Variants in ZNF131 observed in about 807,000 individuals in gnomAD.
ZNF131 encodes the protein zinc finger protein 131.
A neutral mutation model predicts 60.0 loss-of-function variants in ZNF131; 7 were observed. The ratio of observed to expected loss-of-function variants is 0.12; its 90% CI spans 0.07 to 0.22. ZNF131 has a LOEUF of 0.22. ZNF131 is among the 10% of genes least tolerant of loss of function. The pLI, the probability that ZNF131 is intolerant of heterozygous loss-of-function variation, is 1.00. For missense variants in ZNF131, 493 were observed against 740.9 expected, an observed-to-expected ratio of 0.67 and a Z score of 3.88; for synonymous variants, 257 against 253.2, an observed-to-expected ratio of 1.01 and a Z score of -0.14.
Position 43,175,197 on chromosome 5 carries a change from G to C in ZNF131, c.*64G>C, listed in dbSNP as rs1466612166. On this transcript the variant is annotated 3_prime_UTR_variant, in exon 7 of 7. Coordinates refer to ENST00000682664, the MANE Select transcript of ZNF131 (RefSeq NM_001330707.2). ...TTTTTGAACTGATTATGGGCAGTTT[G>C]ACTGTCCTTAATTAAGCCTAACAGA... is the stretch of plus-strand genomic sequence containing the variant. 9.7e-6 allele frequency: 14 copies of C among 1,444,218 alleles called. No homozygotes were observed. The highest frequency in any genetic ancestry group is 1.3e-5 in the Non-Finnish European group (14 of 1,081,876). 89.5% of individuals were successfully genotyped at this position (1,444,218 alleles called of 1,614,324 possible). A position where few individuals can be genotyped will look rare whatever the true frequency, so the allele number is the denominator to read the frequency against.
intron 3 of ZNF131, among the ~76,000 whole-genome samples, chr5:43,131,264 G>A (rs531290286): frequency 5.9e-5 from 9 of 151,520 alleles, no homozygotes; most frequent in Admixed American, 2.6e-4. Context: ...CCTCTACCTC[G>A]CAGGTTCAAG....
chr5:43,131,514 C>T (rs1342038801), intron 3 of ZNF131, among the ~76,000 whole-genome samples: 1 of 152,044 alleles, frequency 6.6e-6, no homozygotes, highest in Non-Finnish European at 1.5e-5. Context: ...ACATGGCATA[C>T]GAAGTTTTCT....
intron 4 of ZNF131, among the ~76,000 whole-genome samples, chr5:43,151,841 T>C (rs1166705391): frequency 6.6e-6 from 1 of 152,178 alleles, no homozygotes; most frequent in African/African-American, 2.4e-5. Context: ...TATTTGCAAT[T>C]GTTCGTGCCT....
At chr5:43,166,400 G>A (rs548295750) in intron 5 of ZNF131, among the ~76,000 whole-genome samples, 88 of 150,994 alleles carry the variant, frequency 5.8e-4, no homozygotes, top group African/African-American at 2.0e-3. Flanking sequence ...TTGCTCTGTC[G>A]CCCAGGCTGG....
chr5:43,122,955 C>T (rs1224109724), intron 2 of ZNF131, among the ~76,000 whole-genome samples: 5 of 152,150 alleles, frequency 3.3e-5, no homozygotes, highest in Non-Finnish European at 7.3e-5. Context: ...CAAGAGGCTC[C>T]TTACCTAGTG....
At chr5:43,133,813 G>A (rs1460234845) in intron 3 of ZNF131, among the ~76,000 whole-genome samples, 1 of 152,178 alleles carries the variant, frequency 6.6e-6, no homozygotes, top group East Asian at 1.9e-4. Flanking sequence ...GGAACACTAG[G>A]CATAAATGGA....
Position 43,175,019 on chromosome 5 carries a change from G to C in ZNF131, c.1758G>C (p.Glu586Asp). The change falls in exon 7 of 7, where the codon GAG becomes GAC. Residue 586 changes from glutamate (E) to aspartate (D), a missense_variant. Physicochemically the swap from Glu to Asp is conservative, Grantham distance 45. This residue lies in a region of ZNF131 where 202 missense variants were observed against 221.3 expected (regional missense o/e 0.91). Coordinates refer to ENST00000682664, the MANE Select transcript of ZNF131 (RefSeq NM_001330707.2). The stretch of plus-strand genomic sequence containing the variant: ...AGTCTAGCCAAGCAGATGCTGCTGA[G>C]GCTGCCAGGGAAGATCACGAAGATG... ...ERESSQADAA[E>D]AAREDHEDAE... is the part of the protein sequence containing the mutation. 6.2e-7 allele frequency: 1 copy of C among 1,614,138 alleles called. No individual in the cohort carries two copies. Among genetic ancestry groups the C allele is most frequent in the Non-Finnish European group, 8.5e-7 (1 of 1,180,022 alleles).
chr5:43,168,105 C>T (rs1464920543), intron 5 of ZNF131: 9 of 350,248 alleles, frequency 2.6e-5, no homozygotes, highest in Non-Finnish European at 4.0e-5. Flanking sequence ...CCCATGATAA[C>T]CCATTAATTC....
At position 43,138,374 on chromosome 5, in the gene ZNF131, C is replaced by T. The variant is rs184959190; in HGVS notation, c.227-791C>T. ...AGGGTGTTAATAAAGGCAAGTCAGG[C>T]TGGGTGCGGTGGCTCACGCCTGTAA... On this transcript the variant is annotated intron_variant, in intron 3 of 6. Transcript: ENST00000682664. 8.5e-5 allele frequency among the ~76,000 whole-genome samples: 13 copies of T among 152,154 alleles called. No homozygotes were observed. In the East Asian group the frequency reaches 2.3e-3, roughly 27 times the overall value.
chr5:43,170,357 A>C (rs1416136572), intron 5 of ZNF131, among the ~76,000 whole-genome samples: 1 of 152,192 alleles, frequency 6.6e-6, no homozygotes, highest in Non-Finnish European at 1.5e-5. Context: ...CATTCTATTT[A>C]AGCGTGAGGC....
At chr5:43,158,804 A>G (rs1177937076) in intron 4 of ZNF131, among the ~76,000 whole-genome samples, 1 of 150,694 alleles carries the variant, frequency 6.6e-6, no homozygotes, top group Non-Finnish European at 1.5e-5. Context: ...CTCAAATCCG[A>G]TCAGTTGCTC....
chr5:43,122,295 CAA>C, intron 2 of ZNF131, 118 bp downstream of exon 2: 1 of 1,233,188 alleles, frequency 8.1e-7, no homozygotes, highest in Non-Finnish European at 1.1e-6. Context: ...GTCTCCCTAC[CAA>C]AGTCTGCAGA....
At chr5:43,149,663 A>G (rs181087095) in intron 4 of ZNF131, among the ~76,000 whole-genome samples, 15 of 152,312 alleles carry the variant, frequency 9.8e-5, no homozygotes, top group Admixed American at 3.3e-4. Flanking sequence ...TCTGCAGCCT[A>G]TGAATGCTCC....
intron 3 of ZNF131, among the ~76,000 whole-genome samples, chr5:43,125,642 T>G (rs966708841): frequency 6.6e-6 from 1 of 151,688 alleles, no homozygotes; most frequent in Non-Finnish European, 1.5e-5. Flanking sequence ...TAGCCGGGCG[T>G]GGTGGTGGGC....
rs1748587184 is a variant in ZNF131 at position 43,153,491 on chromosome 5, C to CAAAAAAAAAA, written c.372-7754_372-7753insAAAAAAAAAA. 3.1e-4 allele frequency among the ~76,000 whole-genome samples: 27 copies of CAAAAAAAAAA among 86,820 alleles called. 1 individual carries two copies. Among genetic ancestry groups the CAAAAAAAAAA allele is most frequent in the African/African-American group, 1.2e-3 (26 of 22,324 alleles). The allele number at this position is 86,820 out of a possible 152,430, so 57.0% of individuals were successfully genotyped here. On this transcript the variant is annotated intron_variant, in intron 4 of 6. Coordinates refer to ENST00000682664, the MANE Select transcript of ZNF131 (RefSeq NM_001330707.2). ...AAAAAAAAAAAAAAAAAAAAAAAAG[C>CAAAAAAAAAA]AAAATTAGCTGGGCCTGGTGGCACA...
chr5:43,123,615 T>G (rs1445515197), intron 3 of ZNF131: 4 of 237,518 alleles, frequency 1.7e-5, no homozygotes, highest in African/African-American at 9.2e-5. Flanking sequence ...TGAAAACAAG[T>G]ATTAAACGTG....
At chr5:43,126,495 C>T (rs1353464293) in intron 3 of ZNF131, among the ~76,000 whole-genome samples, 1 of 152,148 alleles carries the variant, frequency 6.6e-6, no homozygotes, top group Admixed American at 6.6e-5. Context: ...AGATTGTATA[C>T]ACAAATTTAG....
In ZNF131 at chr5:43,174,329, A is replaced by G. The variant is rs1409972537; in HGVS notation, c.1186-118A>G. The G allele has an allele frequency of 4.1e-5, 39 of 943,078 alleles. No individual in the cohort carries two copies. The East Asian group carries it at 7.1e-4, about 17-fold the overall frequency. The allele number at this position is 943,078 out of a possible 1,614,324, so 58.4% of individuals were successfully genotyped here. A position where few individuals can be genotyped will look rare whatever the true frequency, so the allele number is the denominator to read the frequency against. ...TGGACGAGATTCTATTGCAGGTACC[A>G]TATTTATAACATTTACAGAATAAGC... On this transcript the variant is annotated intron_variant, in intron 6 of 6. Coordinates refer to ENST00000682664, the MANE Select transcript of ZNF131 (RefSeq NM_001330707.2).
chr5:43,131,765 C>T (rs531227478), intron 3 of ZNF131, among the ~76,000 whole-genome samples: 1 of 151,520 alleles, frequency 6.6e-6, no homozygotes, highest in South Asian at 2.1e-4. Context: ...TTCACCCATC[C>T]TACCACCAGA....
Sources: allele counts gnomAD v4.1 joint callset (sites outside exome capture counted in the v4.1 genomes callset), GRCh38; gene constraint gnomAD v4.1.1; regional missense constraint gnomAD v4.1.1; transcripts MANE v1.5; gene names NCBI Gene and HGNC (gene_info 2026-07-23, HGNC 2026-07-21).